NCOA3: variants seen among roughly 807,000 people sequenced by gnomAD.
NCOA3 encodes CBP-interacting protein.
A neutral mutation model predicts 158.8 loss-of-function variants in NCOA3; 51 were observed. The observed-to-expected ratio is 0.32, with a 90% CI of 0.26 to 0.41. The LOEUF (loss-of-function observed/expected upper bound fraction) is 0.41, where lower values mean the gene tolerates loss of function less well. Among genes scored for constraint, NCOA3 ranks in the 10% least tolerant of loss-of-function variants. NCOA3 has a pLI of 1.00. For synonymous variants in NCOA3, 537 were observed against 592.4 expected (o/e 0.91, Z 1.36); for missense variants, 1,510 against 1,746.6 (o/e 0.86, Z 2.41).
intron 1 of NCOA3, among the ~76,000 whole-genome samples, chr20:47,525,773 C>T (rs1477337708): frequency 2.9e-4 from 30 of 102,586 alleles, no homozygotes; most frequent in Non-Finnish European, 3.5e-4. Context: ...TGACCCCCCC[C>T]ACCTCCCTCC....
At chr20:47,605,778 G>A (rs941622199) in intron 2 of NCOA3, among the ~76,000 whole-genome samples, 2 of 152,132 alleles carry the variant, frequency 1.3e-5, no homozygotes, top group African/African-American at 4.8e-5. Context: ...TGTGTCTTTT[G>A]AAGTTAATAC....
At chr20:47,525,684 C>A (rs1400198458) in intron 1 of NCOA3, among the ~76,000 whole-genome samples, 2 of 140,074 alleles carry the variant, frequency 1.4e-5, no homozygotes, top group Non-Finnish European at 3.1e-5. Flanking sequence ...CACCTCCCTC[C>A]CGGACGGGGC....
In NCOA3 at chr20:47,635,286, G is replaced by T. The variant is rs184519857; in HGVS notation, c.1113-36G>T. ...GATTAAAAGCTTTCATGCATGCTTAGAATTTTTTAGTAAAAGTTTGATGTT... is the reference window on the plus strand; with the variant it reads ...GATTAAAAGCTTTCATGCATGCTTATAATTTTTTAGTAAAAGTTTGATGTT... On this transcript the variant is annotated intron_variant, in intron 10 of 22. Coordinates refer to ENST00000371998, the MANE Select transcript of NCOA3 (RefSeq NM_181659.3). The T allele has an allele frequency of 7.4e-5, 113 of 1,529,896 alleles. No homozygotes were observed. Among genetic ancestry groups the T allele is most frequent in the Non-Finnish European group, 9.7e-5 (110 of 1,135,804 alleles). 94.8% of individuals were successfully genotyped at this position (1,529,896 alleles called of 1,614,324 possible).
At chr20:47,560,538 C>T (rs2085082246) in intron 1 of NCOA3, among the ~76,000 whole-genome samples, 1 of 152,178 alleles carries the variant, frequency 6.6e-6, no homozygotes. Flanking sequence ...GTTCCTGTTA[C>T]TCTGCATGCT....
At chr20:47,597,241 G>A (rs1278876937) in intron 2 of NCOA3, among the ~76,000 whole-genome samples, 1 of 152,130 alleles carries the variant, frequency 6.6e-6, no homozygotes, top group Non-Finnish European at 1.5e-5. Flanking sequence ...TGTCACTACT[G>A]TTTTACCTTT....
intron 9 of NCOA3, 106 bp downstream of exon 9, chr20:47,633,742 C>T: frequency 7.8e-7 from 1 of 1,279,974 alleles, no homozygotes; most frequent in Non-Finnish European, 1.1e-6. Context: ...ATTGACCCTT[C>T]TGCCTCAGCT....
intron 8 of NCOA3, chr20:47,630,665 T>C (rs1457614491): frequency 6.6e-6 from 1 of 152,168 alleles, no homozygotes; most frequent in Non-Finnish European, 1.5e-5. Context: ...GGTTTCACCA[T>C]GTTAGCCAGG....
intron 1 of NCOA3, among the ~76,000 whole-genome samples, chr20:47,568,545 C>T (rs2085237550): frequency 6.6e-6 from 1 of 152,140 alleles, no homozygotes; most frequent in Non-Finnish European, 1.5e-5. Context: ...AGCTCCATCC[C>T]AGCACTTGGG....
At chr20:47,598,122 C>T (rs894202558) in intron 2 of NCOA3, among the ~76,000 whole-genome samples, 2 of 150,614 alleles carry the variant, frequency 1.3e-5, no homozygotes, top group Non-Finnish European at 3.0e-5. Context: ...TGGCGGGCGC[C>T]TGTAGTCCCA....
At chr20:47,653,368 AT>A (rs545375540) in intron 22 of NCOA3, 37 bp from the exon 23 acceptor site, 253,305 of 1,335,774 alleles carry the variant, frequency 0.19, 155 homozygotes, top group East Asian at 0.21. Context: ...TGTTTTACTC[AT>A]TTTTTTTTTT....
intron 1 of NCOA3, among the ~76,000 whole-genome samples, chr20:47,505,389 C>T (rs1253104978): frequency 1.3e-5 from 2 of 152,056 alleles, no homozygotes; most frequent in Non-Finnish European, 2.9e-5. Flanking sequence ...TAATTTCACA[C>T]TTTGGCCAGA....
intron 1 of NCOA3, among the ~76,000 whole-genome samples, chr20:47,557,180 A>G (rs748396058): frequency 2.0e-5 from 3 of 152,230 alleles, no homozygotes; most frequent in Non-Finnish European, 4.4e-5. Flanking sequence ...TCCAAGGGAT[A>G]TCTTTCATAT....
chr20:47,601,587 A>G (rs1256456375), intron 2 of NCOA3, among the ~76,000 whole-genome samples: 2 of 151,102 alleles, frequency 1.3e-5, no homozygotes, highest in South Asian at 2.1e-4. Flanking sequence ...TCCAGTTTGT[A>G]TCACTGTTAT....
intron 1 of NCOA3, among the ~76,000 whole-genome samples, chr20:47,570,393 G>C (rs1162874743): frequency 6.6e-6 from 1 of 152,168 alleles, no homozygotes; most frequent in East Asian, 1.9e-4. Flanking sequence ...GTGAGCTGTG[G>C]TACGCCACTG....
chr20:47,621,794 C>T (rs2086245538), intron 2 of NCOA3, among the ~76,000 whole-genome samples: 1 of 151,874 alleles, frequency 6.6e-6, no homozygotes, highest in South Asian at 2.1e-4. Context: ...ACTAGGATTA[C>T]AGGCACCTGC....
At chr20:47,628,102 A>AT in intron 8 of NCOA3, 79 bp downstream of exon 8, 1 of 978,770 alleles carries the variant, frequency 1.0e-6, no homozygotes, top group Non-Finnish European at 1.6e-6. Context: ...AAATGTTACT[A>AT]TTTTTAATCT....
chr20:47,631,601 A>C (rs2146313355), intron 8 of NCOA3, among the ~76,000 whole-genome samples: 1 of 152,372 alleles, frequency 6.6e-6, no homozygotes, highest in Non-Finnish European at 1.5e-5. Flanking sequence ...AGCATTGTAG[A>C]AATGAGTATT....
intron 2 of NCOA3, among the ~76,000 whole-genome samples, chr20:47,616,124 C>G (rs1180893368): frequency 6.8e-6 from 1 of 147,260 alleles, no homozygotes; most frequent in Non-Finnish European, 1.5e-5. Context: ...CACCACTGCA[C>G]TCCACCCGCC....
chr20:47,584,886 G>T (rs2085511069), intron 2 of NCOA3, among the ~76,000 whole-genome samples: 1 of 152,004 alleles, frequency 6.6e-6, no homozygotes, highest in African/African-American at 2.4e-5. Flanking sequence ...AATTTTGGGG[G>T]AAGAGAAGAA....
Sources: allele counts gnomAD v4.1 joint callset (sites outside exome capture counted in the v4.1 genomes callset), GRCh38; gene constraint gnomAD v4.1.1; transcripts MANE v1.5; gene names NCBI Gene and HGNC (gene_info 2026-07-23, HGNC 2026-07-21).